Variants in GLIS3 observed in about 807,000 individuals in gnomAD.
The protein encoded by GLIS3 is GLIS family zinc finger 3.
A neutral mutation model predicts 78.6 loss-of-function variants in GLIS3; 53 were observed. The observed-to-expected ratio is 0.67, with a 90% CI of 0.54 to 0.85. GLIS3 has a LOEUF of 0.85. GLIS3 is among the 40% of genes least tolerant of loss of function. The pLI, the probability that GLIS3 is intolerant of heterozygous loss-of-function variation, is 0.00. For missense variants in GLIS3, 1,703 were observed against 1,231.1 expected, an observed-to-expected ratio of 1.38 and a Z score of -5.74; for synonymous variants, 684 against 509.9, an observed-to-expected ratio of 1.34 and a Z score of -4.60.
At chr9:4,037,388 T>A (rs1386572707) in intron 4 of GLIS3, among the ~76,000 whole-genome samples, 2 of 152,210 alleles carry the variant, frequency 1.3e-5, no homozygotes, top group Non-Finnish European at 2.9e-5. Context: ...AGTGTCGATC[T>A]GATAGGTTAT....
intron 4 of GLIS3, among the ~76,000 whole-genome samples, chr9:4,086,928 A>C (rs966113915): frequency 6.6e-6 from 1 of 152,166 alleles, no homozygotes. Context: ...TGTCCTCCAC[A>C]TTGGACCTTG....
chr9:3,980,098 T>C (rs955904521), intron 4 of GLIS3, among the ~76,000 whole-genome samples: 3 of 152,150 alleles, frequency 2.0e-5, no homozygotes, highest in African/African-American at 4.8e-5. Context: ...ACCAGTTTCT[T>C]TGAGCAGTGG....
chr9:4,389,785 A>T, the GLIS3 span, among the ~76,000 whole-genome samples: 1 of 152,218 alleles, frequency 6.6e-6, no homozygotes, highest in African/African-American at 2.4e-5. Context: ...TCCAAGAGGG[A>T]GTGAACAGTT....
rs559206865 is a variant in GLIS3, at chr9:4,119,770, A to G, written c.597-889T>C. Among the ~76,000 whole-genome samples the G allele has an allele frequency of 2.0e-5, 3 of 152,336 alleles. No homozygotes were observed. The East Asian group carries it at 5.8e-4, about 29-fold the overall frequency. The stretch of plus-strand genomic sequence containing the variant: ...TTACAAACACACCCTATGTCTCACA[A>G]TATATTATCTGCATATCAAAATGGT... On this transcript the variant is annotated intron_variant, in intron 3 of 10. Transcript: ENST00000381971.
the GLIS3 span, among the ~76,000 whole-genome samples, chr9:4,430,871 T>C: frequency 6.0e-5 from 9 of 150,032 alleles, no homozygotes; most frequent in African/African-American, 2.3e-4. Context: ...TCTGGGTTCA[T>C]TTCCCCAGCA....
intron 2 of GLIS3, among the ~76,000 whole-genome samples, chr9:4,186,021 C>CT (rs1223669198): frequency 6.6e-6 from 1 of 151,836 alleles, no homozygotes; most frequent in Admixed American, 6.6e-5. Flanking sequence ...TATTATTATA[C>CT]TTTAAGTTTT....
the GLIS3 span, among the ~76,000 whole-genome samples, chr9:4,431,129 C>T: frequency 6.6e-6 from 1 of 152,158 alleles, no homozygotes; most frequent in African/African-American, 2.4e-5. Flanking sequence ...GCAACTCAAT[C>T]GCCACACCCT....
chr9:4,031,322 C>G (rs919493072), intron 4 of GLIS3, among the ~76,000 whole-genome samples: 1 of 152,090 alleles, frequency 6.6e-6, no homozygotes, highest in East Asian at 1.9e-4. Flanking sequence ...ATGAATGAGG[C>G]ACTGATACAT....
the GLIS3 span, among the ~76,000 whole-genome samples, chr9:4,437,625 G>A: frequency 1.3e-5 from 2 of 152,142 alleles, no homozygotes; most frequent in African/African-American, 2.4e-5. Flanking sequence ...GGCTTGAAGA[G>A]CCTAGGTCTA....
upstream of GLIS3, among the ~76,000 whole-genome samples, chr9:4,351,618 A>C (rs1327468674): frequency 6.6e-6 from 1 of 152,200 alleles, no homozygotes; most frequent in Non-Finnish European, 1.5e-5. Flanking sequence ...AAAAGAGAAA[A>C]AAGTATGTAG....
intron 6 of GLIS3, among the ~76,000 whole-genome samples, chr9:3,902,606 A>T (rs1276133926): frequency 6.6e-6 from 1 of 152,132 alleles, no homozygotes; most frequent in Admixed American, 6.5e-5. Context: ...AATCTTGGGG[A>T]TGTATCAGAA....
intron 2 of GLIS3, among the ~76,000 whole-genome samples, chr9:4,312,009 G>A (rs1409141446): frequency 6.6e-6 from 1 of 152,142 alleles, no homozygotes; most frequent in South Asian, 2.1e-4. Flanking sequence ...GGAGGAAGAG[G>A]AGCAGAGAAA....
chr9:4,348,500 C>G (rs1817923752), upstream of GLIS3: 1 of 152,348 alleles, frequency 6.6e-6, no homozygotes, highest in East Asian at 1.9e-4. Flanking sequence ...AATAACTATT[C>G]TACTTATATC....
the GLIS3 span, among the ~76,000 whole-genome samples, chr9:4,354,182 G>A: frequency 9.9e-5 from 15 of 152,098 alleles, no homozygotes; most frequent in Admixed American, 9.2e-4. Context: ...TTAAAAAAGA[G>A]TGTTATGCTA....
At chr9:4,437,290 C>T in the GLIS3 span, among the ~76,000 whole-genome samples, 1 of 152,084 alleles carries the variant, frequency 6.6e-6, no homozygotes, top group African/African-American at 2.4e-5. Flanking sequence ...TATGCAAAAC[C>T]ACAAGGAAAT....
chr9:4,319,424 C>G (rs140336842), intron 2 of GLIS3, among the ~76,000 whole-genome samples: 4 of 152,302 alleles, frequency 2.6e-5, no homozygotes, highest in Non-Finnish European at 5.9e-5. Flanking sequence ...TTATTCTATT[C>G]TTGCAACTTT....
intron 4 of GLIS3, among the ~76,000 whole-genome samples, chr9:4,002,517 T>C (rs1412243788): frequency 6.6e-6 from 1 of 152,224 alleles, no homozygotes; most frequent in African/African-American, 2.4e-5. Context: ...AGTTCTCTCA[T>C]ATTTGAAACT....
At chr9:4,404,066 G>A in the GLIS3 span, among the ~76,000 whole-genome samples, 7 of 152,204 alleles carry the variant, frequency 4.6e-5, no homozygotes, top group Admixed American at 3.3e-4. Context: ...AAGAAGAGTA[G>A]GAGTAGCTAT....
chr9:4,363,390 T>C, the GLIS3 span, among the ~76,000 whole-genome samples: 11 of 152,314 alleles, frequency 7.2e-5, no homozygotes, highest in East Asian at 2.1e-3. Context: ...ACCACTGCAC[T>C]CCTGGGTGAC....
Sources: allele counts gnomAD v4.1 joint callset (sites outside exome capture counted in the v4.1 genomes callset), GRCh38; gene constraint gnomAD v4.1.1; transcripts MANE v1.5; gene names NCBI Gene and HGNC (gene_info 2026-07-23, HGNC 2026-07-21).